Variants in SPTAN1 observed in about 807,000 individuals in gnomAD.
SPTAN1 encodes spectrin alpha chain, non-erythrocytic 1.
Under a neutral mutation model 331.3 loss-of-function variants are expected in SPTAN1, and 61 were observed. That is an observed-to-expected ratio of 0.18 (90% CI 0.15 to 0.23). The LOEUF (loss-of-function observed/expected upper bound fraction) is 0.23. Ranked by LOEUF, SPTAN1 falls within the 10% of genes least tolerant of loss-of-function variation. The probability of loss-of-function intolerance (pLI) is 1.00; values close to 1 mark genes in which losing one functional copy is unlikely to be tolerated. For missense variants in SPTAN1, 2,043 were observed against 3,147.9 expected, an observed-to-expected ratio of 0.65 and a Z score of 8.40; for synonymous variants, 1,153 against 1,173.9, an observed-to-expected ratio of 0.98 and a Z score of 0.36.
chr9:128,582,139 G>A (rs1271002508), intron 12 of SPTAN1, among the ~76,000 whole-genome samples: 1 of 152,142 alleles, frequency 6.6e-6, no homozygotes, highest in Admixed American at 6.6e-5. Context: ...AAGTAGGTCA[G>A]GGTTAATATT....
At chr9:128,554,694 C>T (rs931749879) in intron 1 of SPTAN1, among the ~76,000 whole-genome samples, 29 of 152,234 alleles carry the variant, frequency 1.9e-4, no homozygotes, top group African/African-American at 7.0e-4. Flanking sequence ...TGCGGCTGTA[C>T]TGTAGAAGAA....
chr9:128,587,678 G>A lies in SPTAN1; in HGVS notation c.2851G>A (p.Glu951Lys). The change falls in exon 20 of 57, where the codon GAA becomes AAA. Residue 951 changes from glutamate (E) to lysine (K), a missense_variant. This residue lies in a region of SPTAN1 where 1,038 missense variants were observed against 1,531.5 expected (regional missense o/e 0.68). Coordinates refer to ENST00000372739, the MANE Select transcript of SPTAN1 (RefSeq NM_001130438.3). ...CGGCAGCAGCATCCAGGCTTTGCGA[G>A]AACAAGCACAGTCCTGCCGGGTAAA... ...AYGSSIQALR[E>K]QAQSCRQQVA... 2 of 1,614,074 alleles carry A rather than the reference G, an allele frequency of 1.2e-6. No homozygotes were observed. Among genetic ancestry groups the A allele is most frequent in the Non-Finnish European group, 1.7e-6 (2 of 1,179,994 alleles).
At position 128,633,348 on chromosome 9, in the gene SPTAN1, T is replaced by C. The variant is rs1218770880; in HGVS notation, c.*14T>C. The C allele has an allele frequency of 1.2e-6, 2 of 1,613,528 alleles. No homozygotes were observed. The highest frequency in any genetic ancestry group is 2.7e-5 in the African/African-American group (2 of 74,928). The stretch of plus-strand genomic sequence containing the variant: ...TTCGTGAACTGAGCCACTCCCTGGG[T>C]CACCCACCCCTCGCTGCTTGCCCTG... On this transcript the variant is annotated 3_prime_UTR_variant, in exon 57 of 57. Transcript: ENST00000372739.
Position 128,588,839 on chromosome 9 carries a change from G to T in SPTAN1, c.2902G>T (p.Gly968Trp). 6.2e-7 allele frequency: 1 copy of T among 1,614,146 alleles called. No individual in the cohort carries two copies. Among genetic ancestry groups the T allele is most frequent in the South Asian group, 1.1e-5 (1 of 91,084 alleles). ...AGTGGCCCCCACGGATGATGAGACTGGGAAGGAGCTGGTCTTGGCTCTCTA... is the reference window on the plus strand; with the variant it reads ...AGTGGCCCCCACGGATGATGAGACTTGGAAGGAGCTGGTCTTGGCTCTCTA... ...QQVAPTDDET[G>W]KELVLALYDY... The change falls in exon 21 of 57, where the codon GGG becomes TGG. Residue 968 changes from glycine to tryptophan, a missense_variant. By Grantham distance (184) the Gly-to-Trp change is radical (BLOSUM62 -2). Transcript: ENST00000372739.
chr9:128,587,795 C>A, intron 20 of SPTAN1, 97 bp downstream of exon 20: 1 of 879,428 alleles, frequency 1.1e-6, no homozygotes, highest in Non-Finnish European at 1.9e-6. Flanking sequence ...TTTGACTCTG[C>A]TATTAACTCT....
intron 22 of SPTAN1, 21 bp downstream of exon 22, chr9:128,591,646 C>T (rs912719091): frequency 9.3e-6 from 15 of 1,613,082 alleles, no homozygotes; most frequent in Non-Finnish European, 1.2e-5. Flanking sequence ...CACTGGGGGC[C>T]GCAAGGGCTA....
chr9:128,574,917 A>G (rs1564207140), intron 4 of SPTAN1, 102 bp downstream of exon 4: 3 of 1,552,804 alleles, frequency 1.9e-6, no homozygotes, highest in Admixed American at 1.7e-5. Context: ...AGATACGGCC[A>G]TTTTAAGTAA....
At chr9:128,613,094 C>A (rs557953381) in intron 39 of SPTAN1, among the ~76,000 whole-genome samples, 2 of 152,246 alleles carry the variant, frequency 1.3e-5, no homozygotes, top group South Asian at 4.1e-4. Context: ...ACTGCTGATT[C>A]TTTCCTAGGG....
At chr9:128,555,473 C>A in intron 1 of SPTAN1, 1 of 1,189,778 alleles carries the variant, frequency 8.4e-7, no homozygotes, top group Non-Finnish European at 1.1e-6. Flanking sequence ...ATATTCGTGT[C>A]AAAGAGGTTG....
At chr9:128,561,526 G>A (rs1173847744) in intron 1 of SPTAN1, among the ~76,000 whole-genome samples, 2 of 151,062 alleles carry the variant, frequency 1.3e-5, no homozygotes, top group African/African-American at 4.9e-5. Context: ...AGCCGGGCGA[G>A]GTGGTGGATG....
rs925551725 is a variant in SPTAN1 at position 128,561,739 on chromosome 9, T to C, written c.-3-4999T>C. Among the ~76,000 whole-genome samples, 6 of 150,572 alleles carry C rather than the reference T, an allele frequency of 4.0e-5. No homozygotes were observed. In the East Asian group the frequency reaches 1.2e-3, roughly 29 times the overall value. ...TCATGTTAAGAATCACTGTGTCTAT[T>C]GTGCCATATTCTGGGAACCGGAGGA... On this transcript the variant is annotated intron_variant, in intron 1 of 56. Coordinates refer to ENST00000372739, the MANE Select transcript of SPTAN1 (RefSeq NM_001130438.3).
In SPTAN1 at chr9:128,627,326, A is replaced by AG; in HGVS notation, c.6577-58dup. 1 of 1,446,224 alleles carries AG rather than the reference A, an allele frequency of 6.9e-7. No homozygotes were observed. The highest frequency in any genetic ancestry group is 9.5e-7 in the Non-Finnish European group (1 of 1,052,868). The allele number at this position is 1,446,224 out of a possible 1,614,324, so 89.6% of individuals were successfully genotyped here. On this transcript the variant is annotated intron_variant, in intron 49 of 56. Transcript: ENST00000372739. The surrounding 1 kb of genome is among the most constrained non-coding windows in gnomAD (Gnocchi z 4.9). ...ACCACCACCCTGAGCCCATCTGTGAAGGAGGGGCTGGTGTCACTGCCACAG... is the reference window on the plus strand; with the variant it reads ...ACCACCACCCTGAGCCCATCTGTGAAGGGAGGGGCTGGTGTCACTGCCACAG...
intron 3 of SPTAN1, among the ~76,000 whole-genome samples, chr9:128,572,179 A>G (rs1850800997): frequency 6.6e-6 from 1 of 151,942 alleles, no homozygotes; most frequent in South Asian, 2.1e-4. Flanking sequence ...TATTTTTCCA[A>G]CCTGTACTTC....
In SPTAN1 at chr9:128,625,635, C is replaced by CT. The variant is rs2131949015; in HGVS notation, c.6070-133dup. On this transcript the variant is annotated intron_variant, in intron 47 of 56. Transcript: ENST00000372739. The surrounding 1 kb of genome is among the most constrained non-coding windows in gnomAD (Gnocchi z 4.1). ...AGAGCAGGAAAGGGGGCATGTGTGA[C>CT]TGAGTCTCAGCAGTGTCCAGGTGGA... The CT allele has an allele frequency of 4.8e-6, 4 of 839,540 alleles. No individual in the cohort carries two copies. The East Asian group carries it at 9.8e-5, about 21-fold the overall frequency. 52.0% of individuals were successfully genotyped at this position (839,540 alleles called of 1,614,324 possible).
chr9:128,565,456 G>C (rs1251374141), intron 1 of SPTAN1, among the ~76,000 whole-genome samples: 2 of 152,116 alleles, frequency 1.3e-5, no homozygotes, highest in African/African-American at 4.8e-5. Context: ...ATGGTGATAT[G>C]ACTAAAATCA....
In SPTAN1 at chr9:128,590,548, A is replaced by T. The variant is rs547974297; in HGVS notation, c.3007-929A>T. On this transcript the variant is annotated intron_variant, in intron 21 of 56. Coordinates refer to ENST00000372739, the MANE Select transcript of SPTAN1 (RefSeq NM_001130438.3). The stretch of plus-strand genomic sequence containing the variant: ...GCGAGACCTCATCTCTATTTATATT[A>T]AAAAAGAAAAAAAAAAAAAAGGGCC... Among the ~76,000 whole-genome samples the T allele has an allele frequency of 8.3e-4, 14 of 16,962 alleles. No individual in the cohort carries two copies. The South Asian group carries it at 8.4e-3, about 10-fold the overall frequency. The allele number at this position is 16,962 out of a possible 152,430, so 11.1% of individuals were successfully genotyped here.
Position 128,618,125 on chromosome 9 carries a change from A to G in SPTAN1, c.5600+17A>G, listed in dbSNP as rs1857401109. 2 of 1,612,400 alleles carry G rather than the reference A, an allele frequency of 1.2e-6. No homozygotes were observed. The highest frequency in any genetic ancestry group is 1.1e-5 in the South Asian group (1 of 90,996). On this transcript the variant is annotated intron_variant, in intron 43 of 56. Coordinates refer to ENST00000372739, the MANE Select transcript of SPTAN1 (RefSeq NM_001130438.3). ...AGCTGCCCGGTGAGTAGTCAGAGGC[A>G]GGAGCTCCCGGGAACAAGTGGAAGG...
At chr9:128,615,041 A>G (rs983319664) in intron 40 of SPTAN1, among the ~76,000 whole-genome samples, 10 of 152,240 alleles carry the variant, frequency 6.6e-5, no homozygotes, top group African/African-American at 1.7e-4. Flanking sequence ...TTCACATATT[A>G]GGAAGCCTTC....
chr9:128,623,976 G>A (rs987289301), intron 45 of SPTAN1, among the ~76,000 whole-genome samples: 5 of 151,154 alleles, frequency 3.3e-5, no homozygotes, highest in East Asian at 2.0e-4. Flanking sequence ...CCAGCTACTC[G>A]GGAGGCTGAG....
Sources: gnomAD v4.1 joint callset for allele counts (sites outside exome capture counted in the v4.1 genomes callset) on GRCh38, gnomAD v4.1.1 for gene constraint, gnomAD v4.1.1 regional missense constraint, Gnocchi (gnomAD v3.1) non-coding constraint, MANE v1.5 for transcripts, NCBI Gene and HGNC (gene_info 2026-07-23, HGNC 2026-07-21) for gene names.